SHQ1: variants seen among roughly 807,000 people sequenced by gnomAD.
The protein encoded by SHQ1 is protein SHQ1 homolog.
Under a neutral mutation model 53.8 loss-of-function variants are expected in SHQ1, and 49 were observed. The observed-to-expected ratio is 0.91, with a 90% confidence interval of 0.72 to 1.16. The LOEUF (loss-of-function observed/expected upper bound fraction) is 1.16, where lower values mean the gene tolerates loss of function less well. SHQ1 is among the 50% of genes most tolerant of loss of function. SHQ1 has a pLI of 0.00. For missense variants in SHQ1, 738 were observed against 683.1 expected (o/e 1.08, Z -0.90); for synonymous variants, 243 against 251.0 (o/e 0.97, Z 0.30).
At chr3:72,775,696 C>A (rs929771868) in intron 10 of SHQ1, among the ~76,000 whole-genome samples, 1 of 152,024 alleles carries the variant, frequency 6.6e-6, no homozygotes, top group African/African-American at 2.4e-5. Flanking sequence ...AATAATACAT[C>A]ATAATCAAGA....
intron 9 of SHQ1, chr3:72,794,573 C>T (rs1474959338): frequency 6.6e-6 from 1 of 152,228 alleles, no homozygotes. Flanking sequence ...CCTATGTTCA[C>T]TCATATTCTC....
At chr3:72,824,606 T>G in intron 5 of SHQ1, 55 bp from the exon 6 acceptor site, 6 of 1,549,836 alleles carry the variant, frequency 3.9e-6, no homozygotes, top group Non-Finnish European at 5.2e-6. Flanking sequence ...GCTTTTACTT[T>G]TTAACATTTT....
intron 9 of SHQ1, chr3:72,795,669 G>C (rs1706587220): frequency 6.6e-6 from 1 of 152,186 alleles, no homozygotes; most frequent in African/African-American, 2.4e-5. Flanking sequence ...ACTACTAAAA[G>C]TTTTAAATGT....
chr3:72,844,899 T>C (rs1431049174), intron 1 of SHQ1, among the ~76,000 whole-genome samples: 2 of 152,182 alleles, frequency 1.3e-5, no homozygotes, highest in East Asian at 3.8e-4. Context: ...CTTCTGGCTA[T>C]ATGTATAAGG....
At chr3:72,775,186 T>C (rs1483572753) in intron 10 of SHQ1, among the ~76,000 whole-genome samples, 1 of 151,524 alleles carries the variant, frequency 6.6e-6, no homozygotes, top group Non-Finnish European at 1.5e-5. Context: ...ACAAAAATAA[T>C]TTAAAAACAA....
chr3:72,805,054 C>G (rs1159348126), intron 9 of SHQ1, among the ~76,000 whole-genome samples: 1 of 152,128 alleles, frequency 6.6e-6, no homozygotes, highest in Non-Finnish European at 1.5e-5. Context: ...TATGACTGTC[C>G]TGAATGCTGT....
intron 10 of SHQ1, among the ~76,000 whole-genome samples, chr3:72,786,997 C>A (rs1706252254): frequency 1.3e-5 from 2 of 152,170 alleles, no homozygotes; most frequent in Non-Finnish European, 2.9e-5. Flanking sequence ...ACATAGAAAG[C>A]AACTCAAGAA....
chr3:72,837,834 G>C (rs1708048225), intron 4 of SHQ1, among the ~76,000 whole-genome samples: 1 of 152,182 alleles, frequency 6.6e-6, no homozygotes, highest in African/African-American at 2.4e-5. Flanking sequence ...TGTGAATGAA[G>C]AAGAACTCTA....
intron 9 of SHQ1, among the ~76,000 whole-genome samples, chr3:72,796,352 T>C (rs756281534): frequency 9.2e-5 from 14 of 152,078 alleles, no homozygotes; most frequent in African/African-American, 3.4e-4. Flanking sequence ...TAAAAAGGTA[T>C]GGAGTTAAGG....
the SHQ1 span, among the ~76,000 whole-genome samples, chr3:72,728,546 C>T: frequency 6.6e-6 from 1 of 152,188 alleles, no homozygotes; most frequent in Non-Finnish European, 1.5e-5. Context: ...CCAACAGACT[C>T]TGAACCCTCC....
the SHQ1 span, among the ~76,000 whole-genome samples, chr3:72,728,272 T>A: frequency 1.3e-5 from 2 of 152,158 alleles, no homozygotes; most frequent in African/African-American, 4.8e-5. Context: ...CCCCTCTGGG[T>A]TGATGGGGCT....
chr3:72,747,881 C>T (rs532544668), downstream of SHQ1, among the ~76,000 whole-genome samples: 8 of 151,798 alleles, frequency 5.3e-5, no homozygotes, highest in South Asian at 1.5e-3. Context: ...CCCAGGTGTT[C>T]GGGAGGCTGA....
rs539698934 is a variant in SHQ1, at chr3:72,815,790, A to AT, written c.883-388dup. Among the ~76,000 whole-genome samples the AT allele has an allele frequency of 4.1e-3, 632 of 152,334 alleles. 3 individuals are homozygous for AT. Among genetic ancestry groups the AT allele is most frequent in the Admixed American group, 9.0e-3 (138 of 15,302 alleles). ...AAGGAATCAAAGATAATGTTGAAGTATTACCTGTGGCACTTAAGAAGCTGC... is the reference window on the plus strand; with the variant it reads ...AAGGAATCAAAGATAATGTTGAAGTATTTACCTGTGGCACTTAAGAAGCTGC... On this transcript the variant is annotated intron_variant, in intron 7 of 10. Coordinates refer to ENST00000325599, the MANE Select transcript of SHQ1 (RefSeq NM_018130.3).
chr3:72,784,239 T>A (rs1362600115), intron 10 of SHQ1, among the ~76,000 whole-genome samples: 1 of 152,202 alleles, frequency 6.6e-6, no homozygotes, highest in Non-Finnish European at 1.5e-5. Flanking sequence ...GTTAGTTTTT[T>A]CAATACACTT....
At chr3:72,746,931 G>T (rs1705269047), downstream of SHQ1, among the ~76,000 whole-genome samples, 1 of 152,204 alleles carries the variant, frequency 6.6e-6, no homozygotes, top group South Asian at 2.1e-4. Flanking sequence ...GGATTTGGAA[G>T]CTCTCCAGGG....
chr3:72,794,202 T>G (rs1706530427), intron 9 of SHQ1: 1 of 152,212 alleles, frequency 6.6e-6, no homozygotes, highest in Non-Finnish European at 1.5e-5. Flanking sequence ...GCACTTTCAT[T>G]GACATTTCCC....
chr3:72,842,265 C>T lies in SHQ1; in HGVS notation c.331+15G>A, dbSNP rs766524827. On this transcript the variant is annotated intron_variant, in intron 3 of 10. Coordinates refer to ENST00000325599, the MANE Select transcript of SHQ1 (RefSeq NM_018130.3). ...TCTATTTATCCTAATTTCCTCCCAA[C>T]TGTAATAAACATACCTATTTCTTCC... 6.2e-7 allele frequency: 1 copy of T among 1,610,812 alleles called. No homozygotes were observed. The highest frequency in any genetic ancestry group is 1.3e-5 in the African/African-American group (1 of 74,956).
At chr3:72,803,136 G>A (rs532955345) in intron 9 of SHQ1, among the ~76,000 whole-genome samples, 100 of 152,268 alleles carry the variant, frequency 6.6e-4, no homozygotes, top group African/African-American at 2.2e-3. Flanking sequence ...AAAACTGGGG[G>A]CCTCCCAGGC....
intron 1 of SHQ1, among the ~76,000 whole-genome samples, chr3:72,845,480 G>A (rs1708301023): frequency 6.7e-6 from 1 of 149,298 alleles, no homozygotes; most frequent in Non-Finnish European, 1.5e-5. Context: ...GTGAGATTCT[G>A]TGTCCAAAAA....
Sources: gnomAD v4.1 joint callset for allele counts (sites outside exome capture counted in the v4.1 genomes callset) on GRCh38, gnomAD v4.1.1 for gene constraint, MANE v1.5 for transcripts, NCBI Gene and HGNC (gene_info 2026-07-23, HGNC 2026-07-21) for gene names.